Variants in FOXP2 observed in about 807,000 individuals in gnomAD.
FOXP2 encodes forkhead box P2, also known as forkhead box protein P2.
In FOXP2, 12 loss-of-function variants were observed where a neutral mutation model predicts 115.8. The observed-to-expected ratio is 0.10, with a 90% CI of 0.07 to 0.17. The LOEUF (loss-of-function observed/expected upper bound fraction) is 0.17, where lower values mean the gene tolerates loss of function less well. FOXP2 is among the 10% of genes least tolerant of loss of function. The probability of loss-of-function intolerance (pLI) is 1.00; values close to 1 mark genes in which losing one functional copy is unlikely to be tolerated. For synonymous variants in FOXP2, 328 were observed against 297.7 expected (o/e 1.10, Z -1.05); for missense variants, 629 against 843.5 (o/e 0.75, Z 3.15).
intron 3 of FOXP2, among the ~76,000 whole-genome samples, chr7:114,619,646 A>G (rs953295220): frequency 3.9e-5 from 6 of 152,164 alleles, no homozygotes; most frequent in South Asian, 2.1e-4. Flanking sequence ...TGGAATTTGT[A>G]TATCCAATTT....
intron 1 of FOXP2, among the ~76,000 whole-genome samples, chr7:114,132,572 TGTGTGTGTGTGAGA>T (rs1237783342): frequency 2.4e-5 from 3 of 122,966 alleles, no homozygotes; most frequent in African/African-American, 3.3e-5. Context: ...TGTGTGTGTG[TGTGTGTGTGTGAGA>T]GAGAGAGAGA....
intron 2 of FOXP2, among the ~76,000 whole-genome samples, chr7:114,385,528 A>C (rs1296631406): frequency 6.6e-6 from 1 of 152,222 alleles, no homozygotes; most frequent in Non-Finnish European, 1.5e-5. Flanking sequence ...TTCCCCAAGA[A>C]AATTGAAAGT....
intron 2 of FOXP2, among the ~76,000 whole-genome samples, chr7:114,356,709 A>G (rs1202720898): frequency 1.3e-5 from 2 of 152,186 alleles, no homozygotes; most frequent in Non-Finnish European, 2.9e-5. Context: ...AAACTACTAC[A>G]ACAGAGGCAT....
intron 1 of FOXP2, among the ~76,000 whole-genome samples, chr7:114,227,190 G>A (rs1248980748): frequency 6.6e-6 from 1 of 152,018 alleles, no homozygotes; most frequent in African/African-American, 2.4e-5. Flanking sequence ...TTGATAGCCA[G>A]GCTACAGTGT....
chr7:114,533,478 G>A (rs1187705968), intron 2 of FOXP2, among the ~76,000 whole-genome samples: 1 of 151,808 alleles, frequency 6.6e-6, no homozygotes, highest in Admixed American at 6.6e-5. Context: ...CTGTTGTCAT[G>A]GATACTAGAA....
intron 2 of FOXP2, among the ~76,000 whole-genome samples, chr7:114,492,152 G>T (rs1033374873): frequency 6.6e-6 from 1 of 152,152 alleles, no homozygotes; most frequent in Non-Finnish European, 1.5e-5. Context: ...GGGTGTATGT[G>T]TCCAGGAATT....
chr7:114,225,352 T>G (rs1305350546), intron 1 of FOXP2, among the ~76,000 whole-genome samples: 1 of 152,128 alleles, frequency 6.6e-6, no homozygotes, highest in African/African-American at 2.4e-5. Flanking sequence ...GGAATATTAT[T>G]AACTATTGGT....
chr7:114,595,824 A>T (rs923285194), intron 3 of FOXP2, among the ~76,000 whole-genome samples: 2 of 152,034 alleles, frequency 1.3e-5, no homozygotes, highest in Non-Finnish European at 2.9e-5. Flanking sequence ...GGAGAATCAC[A>T]TATCCAGTTC....
chr7:114,570,974 C>T, intron 3 of FOXP2: 1 of 1,021,350 alleles, frequency 9.8e-7, no homozygotes, highest in South Asian at 1.3e-5. Context: ...TTTCTATAGC[C>T]AATCCCTTCC....
At chr7:114,388,587 G>T (rs1432040878) in intron 2 of FOXP2, among the ~76,000 whole-genome samples, 1 of 152,090 alleles carries the variant, frequency 6.6e-6, no homozygotes. Context: ...ACCAGCAGGA[G>T]TTCTGATAGC....
intron 3 of FOXP2, among the ~76,000 whole-genome samples, chr7:114,544,632 A>G (rs1388289229): frequency 6.6e-6 from 1 of 152,238 alleles, no homozygotes; most frequent in Non-Finnish European, 1.5e-5. Flanking sequence ...CACATTGAAC[A>G]TTATGATGTG....
Position 114,496,538 on chromosome 7 carries a change from G to A in FOXP2, c.169-38079G>A, listed in dbSNP as rs547042670. 7.2e-5 allele frequency among the ~76,000 whole-genome samples: 11 copies of A among 152,222 alleles called. No individual in the cohort carries two copies. The South Asian group carries it at 2.3e-3, about 31-fold the overall frequency. ...TAAAACTAGCAAAAAGGCAGAGAGAGCAATTAATGTTTGGAAAACTTTCAG... is the reference window on the plus strand; with the variant it reads ...TAAAACTAGCAAAAAGGCAGAGAGAACAATTAATGTTTGGAAAACTTTCAG... On this transcript the variant is annotated intron_variant, in intron 2 of 16. Coordinates refer to ENST00000350908, the MANE Select transcript of FOXP2 (RefSeq NM_014491.4).
At chr7:114,349,937 C>G (rs2129185528) in intron 2 of FOXP2, among the ~76,000 whole-genome samples, 1 of 152,008 alleles carries the variant, frequency 6.6e-6, no homozygotes, top group Middle Eastern at 3.4e-3. Flanking sequence ...CATAGTTGGA[C>G]TTTGGGGTGT....
rs758273873 is a variant in FOXP2, at chr7:114,691,039, G to T, written c.*1113G>T. 3 of 454,058 alleles carry T rather than the reference G, an allele frequency of 6.6e-6. No individual in the cohort carries two copies. The highest frequency in any genetic ancestry group is 2.0e-5 in the African/African-American group (1 of 50,004). 28.1% of individuals were successfully genotyped at this position (454,058 alleles called of 1,614,324 possible). ...AAAGACAGAGGTGAGGACAAAATCCGCAGTGGAAGTTATGATATGCTAGAA... is the reference window on the plus strand; with the variant it reads ...AAAGACAGAGGTGAGGACAAAATCCTCAGTGGAAGTTATGATATGCTAGAA... On this transcript the variant is annotated 3_prime_UTR_variant, in exon 17 of 17. Coordinates refer to ENST00000350908, the MANE Select transcript of FOXP2 (RefSeq NM_014491.4).
intron 16 of FOXP2, 133 bp from the exon 17 acceptor site, chr7:114,689,649 A>G: frequency 1.2e-6 from 1 of 850,660 alleles, no homozygotes. Context: ...CACGCAATCA[A>G]TCAGATGCCC....
At chr7:114,374,001 A>ACT (rs1322889259) in intron 2 of FOXP2, among the ~76,000 whole-genome samples, 4 of 152,094 alleles carry the variant, frequency 2.6e-5, no homozygotes, top group Admixed American at 2.0e-4. Flanking sequence ...TCTCCATTTC[A>ACT]CTTACATCTC....
chr7:114,268,732 A>G (rs796400229), intron 1 of FOXP2, among the ~76,000 whole-genome samples: 7 of 131,096 alleles, frequency 5.3e-5, no homozygotes, highest in Non-Finnish European at 1.0e-4. Flanking sequence ...GTGTGTGTGT[A>G]TGTGTGTATT....
chr7:114,662,731 G>A (rs944558589), intron 14 of FOXP2, among the ~76,000 whole-genome samples: 14 of 152,064 alleles, frequency 9.2e-5, no homozygotes, highest in African/African-American at 3.4e-4. Context: ...CTGTTGAGAT[G>A]ACCAAGGTAT....
At chr7:114,143,146 T>TTAA (rs1562979234) in intron 1 of FOXP2, among the ~76,000 whole-genome samples, 13 of 107,772 alleles carry the variant, frequency 1.2e-4, no homozygotes, top group African/African-American at 3.5e-4. Flanking sequence ...AGACCCTGTC[T>TTAA]CAATAATAAT....
Sources: allele counts gnomAD v4.1 joint callset (sites outside exome capture counted in the v4.1 genomes callset), GRCh38; gene constraint gnomAD v4.1.1; transcripts MANE v1.5; gene names NCBI Gene and HGNC (gene_info 2026-07-23, HGNC 2026-07-21).